The following NKAIN3 variants were observed in gnomAD, a reference collection of about 807,000 sequenced individuals.
NKAIN3 encodes the protein sodium/potassium-transporting ATPase subunit beta-1-interacting protein 3.
In NKAIN3, 25 loss-of-function variants were observed where a neutral mutation model predicts 30.2. The ratio of observed to expected loss-of-function variants is 0.83; its 90% confidence interval spans 0.60 to 1.16. The LOEUF (loss-of-function observed/expected upper bound fraction) is 1.16, where lower values mean the gene tolerates loss of function less well. Among genes scored for constraint, NKAIN3 ranks in the 50% most tolerant of loss-of-function variants. The pLI is 0.00. For missense variants in NKAIN3, 225 were observed against 254.1 expected (o/e 0.89, Z 0.78); for synonymous variants, 91 against 89.6 (o/e 1.02, Z -0.09).
intron 1 of NKAIN3, among the ~76,000 whole-genome samples, chr8:62,289,879 G>C (rs1585638604): frequency 6.6e-6 from 1 of 152,250 alleles, no homozygotes; most frequent in East Asian, 1.9e-4. Context: ...CTTGAGCATG[G>C]AATGTTCTTC....
intron 1 of NKAIN3, among the ~76,000 whole-genome samples, chr8:62,306,657 A>G (rs1425069502): frequency 5.3e-5 from 8 of 149,568 alleles, no homozygotes; most frequent in African/African-American, 2.0e-4. Context: ...AAGAAGAGTC[A>G]GAAGGTCAAA....
At chr8:62,565,924 T>G (rs1160709525) in intron 1 of NKAIN3, among the ~76,000 whole-genome samples, 1 of 152,154 alleles carries the variant, frequency 6.6e-6, no homozygotes, top group Non-Finnish European at 1.5e-5. Context: ...TTATTGAGTG[T>G]CTATACTATA....
chr8:62,557,899 C>A (rs993431339), intron 1 of NKAIN3, among the ~76,000 whole-genome samples: 1 of 152,090 alleles, frequency 6.6e-6, no homozygotes, highest in African/African-American at 2.4e-5. Context: ...TGTGCAAAAG[C>A]TCTTTAGTTT....
intron 4 of NKAIN3, among the ~76,000 whole-genome samples, chr8:62,828,719 A>G (rs1819103527): frequency 1.3e-5 from 2 of 152,170 alleles, no homozygotes; most frequent in Admixed American, 1.3e-4. Flanking sequence ...CCAGATCTTA[A>G]GATACTAGAA....
Position 62,867,919 on chromosome 8 carries a change from C to A in NKAIN3, c.472-50534C>A, listed in dbSNP as rs552039599. On this transcript the variant is annotated intron_variant, in intron 4 of 6. Coordinates refer to ENST00000623646, the MANE Select transcript of NKAIN3 (RefSeq NM_001304533.3). Reference sequence around the variant, plus strand: ...CACTGAAAATATATACATATATTCACAAATACACGCACAGAGCAATGTAGT... The same window carrying A: ...CACTGAAAATATATACATATATTCAAAAATACACGCACAGAGCAATGTAGT... Among the ~76,000 whole-genome samples the A allele has an allele frequency of 4.6e-5, 7 of 152,264 alleles. No individual in the cohort carries two copies. The South Asian group carries it at 1.2e-3, about 27-fold the overall frequency.
chr8:62,871,413 A>AC (rs1820641151), intron 4 of NKAIN3, among the ~76,000 whole-genome samples: 1 of 126,086 alleles, frequency 7.9e-6, no homozygotes. Context: ...AAAAAAAAAA[A>AC]AAAAACAAAA....
intron 1 of NKAIN3, among the ~76,000 whole-genome samples, chr8:62,551,722 T>C (rs1290658451): frequency 6.6e-6 from 1 of 152,198 alleles, no homozygotes; most frequent in African/African-American, 2.4e-5. Flanking sequence ...ACTTTGTTGG[T>C]AGTTTTAGCA....
rs1243639604 is a variant in NKAIN3 at position 62,335,448 on chromosome 8, A to AAAAGAAAG, written c.54+86333_54+86340dup. Among the ~76,000 whole-genome samples, 124 of 150,626 alleles carry AAAAGAAAG rather than the reference A, an allele frequency of 8.2e-4. 1 individual carries two copies. Among genetic ancestry groups the AAAAGAAAG allele is most frequent in the African/African-American group, 2.9e-3 (120 of 40,772 alleles). ...ACTCTGTCTCAAAAAAAAAAAAAAA[A>AAAAGAAAG]AAAGAAAGAAAGAAAGAAAAGAAAA... On this transcript the variant is annotated intron_variant, in intron 1 of 6. Coordinates refer to ENST00000623646, the MANE Select transcript of NKAIN3 (RefSeq NM_001304533.3).
chr8:62,523,138 G>T (rs1400144479), intron 1 of NKAIN3, among the ~76,000 whole-genome samples: 1 of 151,908 alleles, frequency 6.6e-6, no homozygotes, highest in Non-Finnish European at 1.5e-5. Flanking sequence ...TTCCTTTTCT[G>T]TTTATATACA....
At chr8:62,539,425 A>G (rs939621547) in intron 1 of NKAIN3, among the ~76,000 whole-genome samples, 10 of 152,076 alleles carry the variant, frequency 6.6e-5, no homozygotes, top group African/African-American at 2.4e-4. Flanking sequence ...GCTTTACTGC[A>G]GTGTGAAATT....
intron 4 of NKAIN3, among the ~76,000 whole-genome samples, chr8:62,778,994 G>A (rs1000630163): frequency 1.3e-5 from 2 of 152,038 alleles, no homozygotes; most frequent in Non-Finnish European, 1.5e-5. Flanking sequence ...AGTGTGTCCA[G>A]AGATGTCATG....
chr8:62,603,529 C>G (rs1278447202), intron 3 of NKAIN3, among the ~76,000 whole-genome samples: 1 of 151,940 alleles, frequency 6.6e-6, no homozygotes, highest in Non-Finnish European at 1.5e-5. Flanking sequence ...TCCATGTAGA[C>G]AGTTGAAGGA....
At chr8:62,464,817 A>G (rs1478323100) in intron 1 of NKAIN3, among the ~76,000 whole-genome samples, 2 of 152,180 alleles carry the variant, frequency 1.3e-5, no homozygotes, top group Non-Finnish European at 1.5e-5. Flanking sequence ...GTATCATTCA[A>G]TTATTTGCAC....
At chr8:62,617,166 A>G (rs762818875) in intron 3 of NKAIN3, among the ~76,000 whole-genome samples, 1 of 152,224 alleles carries the variant, frequency 6.6e-6, no homozygotes, top group Non-Finnish European at 1.5e-5. Flanking sequence ...TACAGCCTGC[A>G]GAACTGTGAG....
intron 3 of NKAIN3, among the ~76,000 whole-genome samples, chr8:62,628,912 A>G (rs1348247170): frequency 6.6e-6 from 1 of 152,192 alleles, no homozygotes; most frequent in Non-Finnish European, 1.5e-5. Context: ...AACACCTAGC[A>G]TAGTGGCTGC....
chr8:62,271,046 C>T (rs1363072035), intron 1 of NKAIN3, among the ~76,000 whole-genome samples: 1 of 152,120 alleles, frequency 6.6e-6, no homozygotes, highest in Non-Finnish European at 1.5e-5. Context: ...TCAGTATAAA[C>T]CAAGAAACAT....
At chr8:62,789,230 C>G (rs1817626291) in intron 4 of NKAIN3, among the ~76,000 whole-genome samples, 1 of 151,978 alleles carries the variant, frequency 6.6e-6, no homozygotes, top group East Asian at 1.9e-4. Context: ...TTGTAGTTCT[C>G]CTTGAAGAGG....
intron 1 of NKAIN3, among the ~76,000 whole-genome samples, chr8:62,358,865 T>C (rs1158953506): frequency 1.3e-5 from 2 of 152,204 alleles, no homozygotes; most frequent in Non-Finnish European, 2.9e-5. Flanking sequence ...TGGTGAATAT[T>C]CTATTTTGTT....
At chr8:62,414,272 G>A (rs1333965960) in intron 1 of NKAIN3, among the ~76,000 whole-genome samples, 2 of 152,092 alleles carry the variant, frequency 1.3e-5, no homozygotes, top group African/African-American at 2.4e-5. Flanking sequence ...CTGTTTCAAT[G>A]GGATTTTCTG....
Sources: gnomAD v4.1 joint callset for allele counts (sites outside exome capture counted in the v4.1 genomes callset) on GRCh38, gnomAD v4.1.1 for gene constraint, MANE v1.5 for transcripts, NCBI Gene and HGNC (gene_info 2026-07-23, HGNC 2026-07-21) for gene names.